Variants in DIP2C observed in about 807,000 individuals in gnomAD.
DIP2C encodes the protein disco-interacting protein 2 homolog C.
In DIP2C, 33 loss-of-function variants were observed where a neutral mutation model predicts 192.4. The ratio of observed to expected loss-of-function variants is 0.17; its 90% CI spans 0.13 to 0.23. The LOEUF (loss-of-function observed/expected upper bound fraction) is 0.23. Among genes scored for constraint, DIP2C ranks in the 10% least tolerant of loss-of-function variants. DIP2C has a pLI of 1.00. For synonymous variants in DIP2C, 979 were observed against 864.1 expected (o/e 1.13, Z -2.33); for missense variants, 1,537 against 2,110.1 (o/e 0.73, Z 5.32).
chr10:363,657 G>A lies in DIP2C; in HGVS notation c.2478-346C>T, dbSNP rs1959815847. Among the ~76,000 whole-genome samples, 1 of 152,186 alleles carries A rather than the reference G, an allele frequency of 6.6e-6. No homozygotes were observed. Among genetic ancestry groups the A allele is most frequent in the African/African-American group, 2.4e-5 (1 of 41,434 alleles). On this transcript the variant is annotated intron_variant, in intron 20 of 36. Transcript: ENST00000280886. This position sits in a 1 kb window ranked among gnomAD's most constrained non-coding sequence, Gnocchi z 5.4. ...GTCACACCCTTCACAGCTCGAGTTT[G>A]CACCCGTGAAGTTAACGGTCTCCAA...
intron 4 of DIP2C, among the ~76,000 whole-genome samples, chr10:434,461 CAG>C (rs926707273): frequency 1.3e-5 from 2 of 152,232 alleles, no homozygotes; most frequent in Admixed American, 1.3e-4. Context: ...TTTTAAGAGA[CAG>C]AGTCTCACTA....
intron 4 of DIP2C, among the ~76,000 whole-genome samples, chr10:428,016 T>G (rs1316013680): frequency 6.6e-6 from 1 of 152,168 alleles, no homozygotes; most frequent in African/African-American, 2.4e-5. Flanking sequence ...AATAACCAAC[T>G]GGTAAATGAA....
chr10:674,355 G>A (rs993272237), intron 1 of DIP2C, among the ~76,000 whole-genome samples: 5 of 152,058 alleles, frequency 3.3e-5, no homozygotes, highest in African/African-American at 7.2e-5. Context: ...ACTGTAAAAA[G>A]GAGACAAAAA....
chr10:316,170 A>G (rs1453723128), intron 31 of DIP2C, among the ~76,000 whole-genome samples: 1 of 152,184 alleles, frequency 6.6e-6, no homozygotes, highest in Non-Finnish European at 1.5e-5. Flanking sequence ...ATCTCCTCTC[A>G]TGAACATGAG....
intron 9 of DIP2C, 147 bp downstream of exon 9, chr10:408,779 T>C: frequency 1.5e-6 from 1 of 672,780 alleles, no homozygotes; most frequent in Non-Finnish European, 2.5e-6. Flanking sequence ...CTGTCCTGTG[T>C]AACTTACCAG....
rs774942119 is a variant in DIP2C, at chr10:636,533, G to A, written c.85+52961C>T. On this transcript the variant is annotated intron_variant, in intron 1 of 36. Transcript: ENST00000280886. This position sits in a 1 kb window ranked among gnomAD's most constrained non-coding sequence, Gnocchi z 4.6. ...ACGCACGCGTTCCCTAAGAATAAAG[G>A]ACCCTCTGCAGCCGCAGAACCATCA... is the stretch of plus-strand genomic sequence containing the variant. Among the ~76,000 whole-genome samples, 2 of 152,032 alleles carry A rather than the reference G, an allele frequency of 1.3e-5. No homozygotes were observed. Among genetic ancestry groups the A allele is most frequent in the Non-Finnish European group, 2.9e-5 (2 of 68,016 alleles).
At chr10:682,709 C>T (rs1376653434) in intron 1 of DIP2C, among the ~76,000 whole-genome samples, 1 of 151,416 alleles carries the variant, frequency 6.6e-6, no homozygotes, top group African/African-American at 2.4e-5. Context: ...TATATTACTT[C>T]TCTAATATAT....
At chr10:568,025 C>T (rs369938843) in intron 1 of DIP2C, among the ~76,000 whole-genome samples, 2 of 152,350 alleles carry the variant, frequency 1.3e-5, no homozygotes, top group East Asian at 3.9e-4. Flanking sequence ...ACACTCGAAG[C>T]ATCACAGCAA....
At chr10:284,521 C>T (rs1293930073) in intron 34 of DIP2C, among the ~76,000 whole-genome samples, 1 of 152,180 alleles carries the variant, frequency 6.6e-6, no homozygotes, top group African/African-American at 2.4e-5. Flanking sequence ...ACTGCACCAC[C>T]TCACTCATGT....
intron 1 of DIP2C, among the ~76,000 whole-genome samples, chr10:522,979 C>T (rs549852274): frequency 4.4e-4 from 67 of 151,448 alleles, no homozygotes; most frequent in African/African-American, 1.4e-3. Flanking sequence ...ACACTAAGGA[C>T]GCTGGAGTGA....
At chr10:383,878 T>C in intron 16 of DIP2C, 149 bp downstream of exon 16, 1 of 1,134,804 alleles carries the variant, frequency 8.8e-7, no homozygotes, top group Non-Finnish European at 1.2e-6. Flanking sequence ...TTTACTAAGA[T>C]AAGGATTAGA....
intron 1 of DIP2C, among the ~76,000 whole-genome samples, chr10:568,468 G>C (rs74115061): frequency 1.3e-5 from 2 of 152,026 alleles, no homozygotes; most frequent in East Asian, 1.9e-4. Context: ...ACAAGCTTTC[G>C]GAAAAAACTT....
chr10:567,231 C>G (rs1849514540), intron 1 of DIP2C, among the ~76,000 whole-genome samples: 1 of 152,102 alleles, frequency 6.6e-6, no homozygotes, highest in East Asian at 1.9e-4. Flanking sequence ...CTCTGTCGCC[C>G]AGACCAGAGT....
At chr10:333,089 G>C (rs1957575926) in intron 29 of DIP2C, among the ~76,000 whole-genome samples, 1 of 152,182 alleles carries the variant, frequency 6.6e-6, no homozygotes, top group South Asian at 2.1e-4. Flanking sequence ...TTTTAGCAGA[G>C]ACGAGGTTTC....
intron 1 of DIP2C, among the ~76,000 whole-genome samples, chr10:494,471 CAT>C (rs1199969300): frequency 2.6e-5 from 4 of 152,226 alleles, no homozygotes; most frequent in Non-Finnish European, 5.9e-5. Context: ...TCTGCAGAAT[CAT>C]TTAAGCAGCT....
At chr10:514,807 T>A (rs1301446595) in intron 1 of DIP2C, among the ~76,000 whole-genome samples, 1 of 152,292 alleles carries the variant, frequency 6.6e-6, no homozygotes, top group East Asian at 1.9e-4. Context: ...GCTTTATGCC[T>A]AGGAGTCTCA....
intron 2 of DIP2C, among the ~76,000 whole-genome samples, chr10:481,835 G>A (rs1219786026): frequency 2.0e-5 from 3 of 152,140 alleles, no homozygotes; most frequent in East Asian, 1.9e-4. Flanking sequence ...GGGCTGCCCC[G>A]GCCCACCCCC....
At chr10:411,101 A>G (rs527954692) in intron 8 of DIP2C, among the ~76,000 whole-genome samples, 4 of 152,352 alleles carry the variant, frequency 2.6e-5, no homozygotes, top group South Asian at 2.1e-4. Flanking sequence ...AACCACGCAA[A>G]AAAGCAGCAA....
chr10:663,404 A>G (rs1856881624), intron 1 of DIP2C: 1 of 153,182 alleles, frequency 6.5e-6, no homozygotes, highest in Non-Finnish European at 1.5e-5. Flanking sequence ...TTCCCTGACT[A>G]AAAGTGTCTT....
Sources: allele counts gnomAD v4.1 joint callset (sites outside exome capture counted in the v4.1 genomes callset), GRCh38; gene constraint gnomAD v4.1.1; non-coding constraint Gnocchi (gnomAD v3.1); transcripts MANE v1.5; gene names NCBI Gene and HGNC (gene_info 2026-07-23, HGNC 2026-07-21).